The following KCTD7 variants were observed in gnomAD, a reference collection of about 807,000 sequenced individuals.
The protein encoded by KCTD7 is BTB/POZ domain-containing protein KCTD7.
Under a neutral mutation model 27.0 loss-of-function variants are expected in KCTD7, and 15 were observed. The observed-to-expected ratio is 0.56, with a 90% CI of 0.37 to 0.86. The LOEUF (loss-of-function observed/expected upper bound fraction) is 0.86. KCTD7 is among the 40% of genes least tolerant of loss of function. KCTD7 has a pLI of 0.00. For missense variants in KCTD7, 299 were observed against 398.9 expected (o/e 0.75, Z 2.13); for synonymous variants, 159 against 162.7 (o/e 0.98, Z 0.17).
Position 66,639,040 on chromosome 7 carries a change from T to G in KCTD7, c.678T>G (p.Cys226Trp). The change falls in exon 4 of 4, where the codon TGT (cysteine) becomes TGG (tryptophan). Residue 226 changes from cysteine (C) to tryptophan (W), a missense_variant. Transcript: ENST00000639828. ...ESDGQLFEHH[C>W]EVDVSFGPWE... ...ACGGGCAGCTTTTTGAGCACCACTGTGAAGTGGATGTGTCTTTTGGGCCCT... is the reference window on the plus strand; with the variant it reads ...ACGGGCAGCTTTTTGAGCACCACTGGGAAGTGGATGTGTCTTTTGGGCCCT... 1.9e-6 allele frequency: 3 copies of G among 1,614,128 alleles called. No homozygotes were observed. The highest frequency in any genetic ancestry group is 2.5e-6 in the Non-Finnish European group (3 of 1,179,998).
rs1192456060 is a variant in KCTD7 at position 66,628,899 on chromosome 7, C to A, written c.-166C>A. 5 of 564,324 alleles carry A rather than the reference C, an allele frequency of 8.9e-6. No individual in the cohort carries two copies. Among genetic ancestry groups the A allele is most frequent in the Non-Finnish European group, 1.4e-5 (5 of 368,152 alleles). 35.0% of individuals were successfully genotyped at this position (564,324 alleles called of 1,614,324 possible). On this transcript the variant is annotated 5_prime_UTR_variant, in exon 1 of 4. Transcript: ENST00000639828. ...AGGCCCCAGCTGGGCGCGAGCGGGTCGGCGTTGAGGGAGCCACCGCCCTCC... is the reference window on the plus strand; with the variant it reads ...AGGCCCCAGCTGGGCGCGAGCGGGTAGGCGTTGAGGGAGCCACCGCCCTCC...
chr7:66,633,543 G>T, intron 2 of KCTD7, 99 bp downstream of exon 2: 1 of 1,143,732 alleles, frequency 8.7e-7, no homozygotes, highest in South Asian at 1.3e-5. Context: ...CCTAGAAGAG[G>T]AGATAGCATA....
intron 1 of KCTD7, 68 bp downstream of exon 1, chr7:66,629,276 A>C: frequency 2.3e-6 from 1 of 441,084 alleles, no homozygotes; most frequent in Non-Finnish European, 3.1e-6. Context: ...CGCGGGGCAT[A>C]GCGGTCCTCG....
rs34184629 is a variant in KCTD7 at position 66,631,706 on chromosome 7, G to GA, written c.145-1557dup. Among the ~76,000 whole-genome samples, 523 of 144,408 alleles carry GA rather than the reference G, an allele frequency of 3.6e-3. 6 individuals carry two copies. The highest frequency in any genetic ancestry group is 0.011 in the African/African-American group (435 of 39,220). 94.7% of individuals were successfully genotyped at this position (144,408 alleles called of 152,430 possible). A position where few individuals can be genotyped will look rare whatever the true frequency, so the allele number is the denominator to read the frequency against. ...AGAAACCACAAGCAGTGCAAAACAG[G>GA]AAAAAAAAAAAAGCCTTGCATTTTA... On this transcript the variant is annotated intron_variant, in intron 1 of 3. Transcript: ENST00000639828.
At chr7:66,631,947 G>A (rs771708954) in intron 1 of KCTD7, among the ~76,000 whole-genome samples, 7 of 152,206 alleles carry the variant, frequency 4.6e-5, no homozygotes, top group Admixed American at 1.3e-4. Context: ...TCTTTGGGAA[G>A]CTTGGGGTCT....
At chr7:66,638,750 T>A in intron 3 of KCTD7, 106 bp from the exon 4 acceptor site, 1 of 1,410,904 alleles carries the variant, frequency 7.1e-7, no homozygotes, top group South Asian at 1.2e-5. Context: ...GAAATCTGTC[T>A]TTCCCCTCCT....
intron 1 of KCTD7, among the ~76,000 whole-genome samples, chr7:66,631,610 G>C (rs777479631): frequency 2.0e-5 from 3 of 150,342 alleles, no homozygotes; most frequent in African/African-American, 7.3e-5. Flanking sequence ...AATTTGAATT[G>C]ATCTGGAGGA....
intron 1 of KCTD7, among the ~76,000 whole-genome samples, 185 bp downstream of exon 1, chr7:66,629,393 A>C (rs1786394547): frequency 8.3e-6 from 1 of 120,094 alleles, no homozygotes. Flanking sequence ...CCCACCTTCA[A>C]CCCCTGTCAA....
chr7:66,638,042 T>G (rs1305054732), intron 2 of KCTD7, among the ~76,000 whole-genome samples: 1 of 152,206 alleles, frequency 6.6e-6, no homozygotes, highest in Non-Finnish European at 1.5e-5. Context: ...TGCCAGGGAT[T>G]TTCTAATCAC....
At chr7:66,632,596 A>G (rs1308058639) in intron 1 of KCTD7, among the ~76,000 whole-genome samples, 1 of 152,124 alleles carries the variant, frequency 6.6e-6, no homozygotes, top group Non-Finnish European at 1.5e-5. Flanking sequence ...AACTTGCCAT[A>G]TAGACAGAAG....
intron 2 of KCTD7, among the ~76,000 whole-genome samples, chr7:66,634,845 C>T (rs1303914363): frequency 6.6e-6 from 1 of 151,380 alleles, no homozygotes; most frequent in East Asian, 1.9e-4. Flanking sequence ...TGGAAAAACA[C>T]AATGTCAACA....
At chr7:66,637,051 A>T (rs1170384715) in intron 2 of KCTD7, among the ~76,000 whole-genome samples, 2 of 152,186 alleles carry the variant, frequency 1.3e-5, no homozygotes, top group East Asian at 3.8e-4. Context: ...GCTAATACTT[A>T]AAAGAAATTT....
downstream of KCTD7, chr7:66,643,068 T>G (rs370135424): frequency 1.8e-5 from 18 of 985,330 alleles, no homozygotes; most frequent in East Asian, 1.4e-3. Flanking sequence ...GTGCCTTTCT[T>G]TTTTAGAGAT....
intron 2 of KCTD7, 149 bp downstream of exon 2, chr7:66,633,593 ATTT>A (rs200130485): frequency 5.7e-3 from 3,533 of 621,830 alleles, no homozygotes; most frequent in Non-Finnish European, 6.2e-3. Flanking sequence ...AAAGAGATCA[ATTT>A]TTTTTTTTTT....
At position 66,638,972 on chromosome 7, in the gene KCTD7, T is replaced by A; in HGVS notation, c.610T>A (p.Cys204Ser). The change falls in exon 4 of 4, where the codon TGT (cysteine) becomes AGT (serine). Residue 204 changes from cysteine (C) to serine (S), a missense_variant. By Grantham distance (112) the Cys-to-Ser change is moderately radical (BLOSUM62 -1). Transcript: ENST00000639828. Reference protein sequence around the residue: ...KEEMPITPYECPLLNSLRFER... With the variant: ...KEEMPITPYESPLLNSLRFER... ...GGAGATGCCCATCACCCCCTATGAG[T>A]GTCCGCTCCTCAACTCCCTGCGATT... 1 of 1,614,146 alleles carries A rather than the reference T, an allele frequency of 6.2e-7. No homozygotes were observed.
In KCTD7 at chr7:66,628,954, G is replaced by C; in HGVS notation, c.-111G>C. On this transcript the variant is annotated 5_prime_UTR_variant, in exon 1 of 4. Coordinates refer to ENST00000639828, the MANE Select transcript of KCTD7 (RefSeq NM_153033.5). ...TGCGCACTGCCTCTCGCCCCCCTCCGGCCAGCCCGCAGCCGGCCGCGTCAT... is the reference window on the plus strand; with the variant it reads ...TGCGCACTGCCTCTCGCCCCCCTCCCGCCAGCCCGCAGCCGGCCGCGTCAT... 8.6e-7 allele frequency: 1 copy of C among 1,167,520 alleles called. No individual in the cohort carries two copies. Among genetic ancestry groups the C allele is most frequent in the South Asian group, 1.9e-5 (1 of 53,782 alleles). The allele number at this position is 1,167,520 out of a possible 1,614,324, so 72.3% of individuals were successfully genotyped here. A position where few individuals can be genotyped will look rare whatever the true frequency, so the allele number is the denominator to read the frequency against.
intron 3 of KCTD7, 160 bp from the exon 4 acceptor site, chr7:66,638,692 CTTGT>C (rs1222558594): frequency 1.1e-6 from 1 of 883,120 alleles, no homozygotes; most frequent in Non-Finnish European, 1.7e-6. Flanking sequence ...AACCGTGACC[CTTGT>C]TTAAGTTTGT....
chr7:66,638,840 G>A lies in KCTD7; in HGVS notation c.494-16G>A. On this transcript the variant is annotated splice_polypyrimidine_tract_variant and intron_variant, in intron 3 of 3. Transcript: ENST00000639828. ...CCTCTTCACCCTAGTGATAGGTGTT[G>A]TGTTCATCCTTATAGACCACTTGGA... 2 of 1,613,760 alleles carry A rather than the reference G, an allele frequency of 1.2e-6. No individual in the cohort carries two copies. The highest frequency in any genetic ancestry group is 1.7e-6 in the Non-Finnish European group (2 of 1,180,024).
At chr7:66,638,718 G>T (rs981791642) in intron 3 of KCTD7, 138 bp from the exon 4 acceptor site, 2 of 1,073,140 alleles carry the variant, frequency 1.9e-6, no homozygotes, top group South Asian at 3.0e-5. Context: ...CCCTTCATTG[G>T]CCCCCTGAGT....
Sources: gnomAD v4.1 joint callset for allele counts (sites outside exome capture counted in the v4.1 genomes callset) on GRCh38, gnomAD v4.1.1 for gene constraint, MANE v1.5 for transcripts, NCBI Gene and HGNC (gene_info 2026-07-23, HGNC 2026-07-21) for gene names.